FAM91A1: variants seen among roughly 807,000 people sequenced by gnomAD.
FAM91A1 encodes the protein protein FAM91A1.
In FAM91A1, 41 loss-of-function variants were observed where a neutral mutation model predicts 113.5. The ratio of observed to expected loss-of-function variants is 0.36; its 90% CI spans 0.28 to 0.47. The LOEUF is 0.47. FAM91A1 is among the 20% of genes least tolerant of loss of function. The pLI is 1.00. For missense variants in FAM91A1, 696 were observed against 1,001.2 expected (o/e 0.70, Z 4.11); for synonymous variants, 307 against 347.9 (o/e 0.88, Z 1.31).
At chr8:123,772,636 T>TA (rs1814879530) in intron 1 of FAM91A1, among the ~76,000 whole-genome samples, 1 of 152,186 alleles carries the variant, frequency 6.6e-6, no homozygotes, top group African/African-American at 2.4e-5. Context: ...AACATGGGTT[T>TA]AGGGGTGCTG....
chr8:123,805,230 G>T, intron 18 of FAM91A1, 37 bp from the exon 19 acceptor site: 3 of 1,522,200 alleles, frequency 2.0e-6, no homozygotes, highest in Non-Finnish European at 2.7e-6. Flanking sequence ...GGAAATGAAG[G>T]TTTCTTGTAT....
At chr8:123,785,154 G>C (rs532881642) in intron 10 of FAM91A1, 35 bp downstream of exon 10, 1 of 1,520,372 alleles carries the variant, frequency 6.6e-7, no homozygotes, top group Non-Finnish European at 8.9e-7. Flanking sequence ...CTGGTGATGT[G>C]ATAACTGAGT....
intron 1 of FAM91A1, among the ~76,000 whole-genome samples, chr8:123,772,991 G>C (rs1243047988): frequency 6.6e-6 from 1 of 152,134 alleles, no homozygotes; most frequent in African/African-American, 2.4e-5. Flanking sequence ...GGAAGTGTTG[G>C]TCTTGCTGTT....
chr8:123,786,432 A>T, intron 11 of FAM91A1, 63 bp from the exon 12 acceptor site: 1 of 1,151,012 alleles, frequency 8.7e-7, no homozygotes, highest in Non-Finnish European at 1.3e-6. Context: ...TAACTTCAGT[A>T]GATATTTTAA....
chr8:123,787,880 C>T, intron 14 of FAM91A1, 130 bp downstream of exon 14: 1 of 632,876 alleles, frequency 1.6e-6, no homozygotes. Flanking sequence ...CTACCTCATT[C>T]CCCAAATTAG....
At chr8:123,772,756 A>G (rs1265501350) in intron 1 of FAM91A1, among the ~76,000 whole-genome samples, 1 of 152,254 alleles carries the variant, frequency 6.6e-6, no homozygotes, top group Non-Finnish European at 1.5e-5. Context: ...AATAGCCTAT[A>G]ACTGTTGACT....
chr8:123,814,303 G>A lies in FAM91A1; in HGVS notation c.*1599G>A, dbSNP rs1018063359. The A allele has an allele frequency of 4.9e-6, 1 of 204,714 alleles. No homozygotes were observed. Among genetic ancestry groups the A allele is most frequent in the East Asian group, 1.8e-4 (1 of 5,614 alleles). The allele number at this position is 204,714 out of a possible 1,614,324, so 12.7% of individuals were successfully genotyped here. A position where few individuals can be genotyped will look rare whatever the true frequency, so the allele number is the denominator to read the frequency against. ...ATTCCTAGTGCCATTAGGTATGTATGTATGTAACTTTTACAGTTTTTCAGC... is the reference window on the plus strand; with the variant it reads ...ATTCCTAGTGCCATTAGGTATGTATATATGTAACTTTTACAGTTTTTCAGC... On this transcript the variant is annotated 3_prime_UTR_variant, in exon 24 of 24. Transcript: ENST00000334705.
At chr8:123,795,589 A>G (rs1272408862) in intron 15 of FAM91A1, among the ~76,000 whole-genome samples, 1 of 152,186 alleles carries the variant, frequency 6.6e-6, no homozygotes, top group Non-Finnish European at 1.5e-5. Context: ...AGCCTGCAGA[A>G]CCATGAGCCA....
rs58300080 is a variant in FAM91A1, at chr8:123,814,343, A to AT, written c.*1651dup. On this transcript the variant is annotated 3_prime_UTR_variant, in exon 24 of 24. Transcript: ENST00000334705. ...AGTTTTTCAGCTGAAAGTTGTAAGT[A>AT]TTTTTTTTTTTTGATCGGGGCTCTT... The AT allele has an allele frequency of 0.022, 4,233 of 192,818 alleles. 18 individuals carry two copies. Among genetic ancestry groups the AT allele is most frequent in the South Asian group, 0.044 (615 of 13,948 alleles). The allele number at this position is 192,818 out of a possible 1,614,324, so 11.9% of individuals were successfully genotyped here.
Position 123,787,705 on chromosome 8 carries a change from A to C in FAM91A1, c.1233A>C (p.Lys411Asn). 1 of 1,613,070 alleles carries C rather than the reference A, an allele frequency of 6.2e-7. No homozygotes were observed. Among genetic ancestry groups the C allele is most frequent in the Non-Finnish European group, 8.5e-7 (1 of 1,179,606 alleles). The change falls in exon 14 of 24, where the codon AAA becomes AAC. Residue 411 changes from lysine (K) to asparagine (N), a missense_variant. Physicochemically the swap from Lys to Asn is moderately conservative, Grantham distance 94 (BLOSUM62 0). Coordinates refer to ENST00000334705, the MANE Select transcript of FAM91A1 (RefSeq NM_144963.4). ...CAGTCACAATGTTTGAAGTAGGCAA[A>C]CTCTCAGATGAGTCTCTGGACAGCT... ...SHAVTMFEVG[K>N]LSDESLDSFL...
At chr8:123,779,407 T>C (rs1815064438) in intron 6 of FAM91A1, among the ~76,000 whole-genome samples, 1 of 152,148 alleles carries the variant, frequency 6.6e-6, no homozygotes, top group African/African-American at 2.4e-5. Flanking sequence ...GAAGGGATAT[T>C]GGTTTAGAGG....
At chr8:123,801,450 C>T (rs1815679800) in intron 18 of FAM91A1, among the ~76,000 whole-genome samples, 1 of 152,210 alleles carries the variant, frequency 6.6e-6, no homozygotes. Context: ...AAATGTGTAG[C>T]ACACTTGCTG....
Position 123,777,335 on chromosome 8 carries a change from T to C in FAM91A1, c.367+13T>C. On this transcript the variant is annotated intron_variant, in intron 4 of 23. Transcript: ENST00000334705. ...ACTGCTGCTGACTGTAAGTATTTAA[T>C]TGTGCTGAAGAAGGTAATGTTTAGG... 6.2e-7 allele frequency: 1 copy of C among 1,610,082 alleles called. No individual in the cohort carries two copies. The highest frequency in any genetic ancestry group is 1.1e-5 in the South Asian group (1 of 90,572).
chr8:123,797,647 CTG>C (rs1170719379), intron 15 of FAM91A1, among the ~76,000 whole-genome samples: 30 of 152,086 alleles, frequency 2.0e-4, no homozygotes, highest in African/African-American at 6.5e-4. Context: ...TATGTATTAA[CTG>C]TTCGTATTAT....
At position 123,799,884 on chromosome 8, in the gene FAM91A1, A is replaced by C; in HGVS notation, c.1808A>C (p.Gln603Pro). 6.3e-7 allele frequency: 1 copy of C among 1,577,076 alleles called. No homozygotes were observed. The highest frequency in any genetic ancestry group is 8.6e-7 in the Non-Finnish European group (1 of 1,157,086). ...TTAACACATTCTGCAGTTTTAATTC[A>C]GGTACATTTATCTTATTTGAAATTT... Reference protein sequence around the residue: ...DALTHSAVLIQGHGLHGIGET... With the variant: ...DALTHSAVLIPGHGLHGIGET... The change falls in exon 18 of 24, where the codon CAG (glutamine) becomes CCG (proline). Residue 603 changes from glutamine (Q) to proline (P), a missense_variant and splice_region_variant. Physicochemically the swap from Gln to Pro is moderately conservative, Grantham distance 76. Coordinates refer to ENST00000334705, the MANE Select transcript of FAM91A1 (RefSeq NM_144963.4).
intron 15 of FAM91A1, among the ~76,000 whole-genome samples, chr8:123,794,695 T>A (rs1278518088): frequency 6.6e-6 from 1 of 152,230 alleles, no homozygotes; most frequent in Admixed American, 6.5e-5. Flanking sequence ...TCTCTCATAT[T>A]TTTCATTGAT....
At chr8:123,799,455 G>C in intron 16 of FAM91A1, 65 bp from the exon 17 acceptor site, 1 of 1,478,034 alleles carries the variant, frequency 6.8e-7, no homozygotes, top group South Asian at 1.3e-5. Context: ...CTGTTTATAA[G>C]ACTGTTCTCG....
chr8:123,808,732 C>A (rs1815875085), intron 21 of FAM91A1, 161 bp from the exon 22 acceptor site: 4 of 617,860 alleles, frequency 6.5e-6, no homozygotes, highest in Non-Finnish European at 1.0e-5. Context: ...GATTAACTGA[C>A]CCCCTTCAAT....
intron 15 of FAM91A1, among the ~76,000 whole-genome samples, chr8:123,794,329 A>G (rs1815455307): frequency 6.6e-6 from 1 of 152,254 alleles, no homozygotes. Context: ...ATATGTAGAT[A>G]CTAGTCTATT....
Sources: allele counts gnomAD v4.1 joint callset (sites outside exome capture counted in the v4.1 genomes callset), GRCh38; gene constraint gnomAD v4.1.1; transcripts MANE v1.5; gene names NCBI Gene and HGNC (gene_info 2026-07-23, HGNC 2026-07-21).